SH3GL1: variants seen among roughly 807,000 people sequenced by gnomAD.
SH3GL1 encodes the protein SH3 domain containing GRB2 like 1, endophilin A2, also known as endophilin-A2.
In SH3GL1, 21 loss-of-function variants were observed where a neutral mutation model predicts 48.8. That is an observed-to-expected ratio of 0.43 (90% CI 0.30 to 0.62). The LOEUF is 0.62. Among genes scored for constraint, SH3GL1 ranks in the 20% least tolerant of loss-of-function variants. The pLI is 0.11. For synonymous variants in SH3GL1, 282 were observed against 217.5 expected, an observed-to-expected ratio of 1.30 and a Z score of -2.61; for missense variants, 454 against 503.0, an observed-to-expected ratio of 0.90 and a Z score of 0.93.
intron 1 of SH3GL1, among the ~76,000 whole-genome samples, chr19:4,385,886 G>C (rs773531061): frequency 2.6e-5 from 4 of 152,214 alleles, no homozygotes; most frequent in Non-Finnish European, 4.4e-5. Context: ...CTCAGCCAGG[G>C]GTCCGACAGC....
intron 1 of SH3GL1, among the ~76,000 whole-genome samples, chr19:4,386,701 C>G (rs747369441): frequency 6.6e-6 from 1 of 151,920 alleles, no homozygotes; most frequent in Non-Finnish European, 1.5e-5. Flanking sequence ...TTTCCCCAGG[C>G]ACTCAGGACC....
In SH3GL1 at chr19:4,363,438, A is replaced by G. The variant is rs61731634; in HGVS notation, c.660T>C (p.Asp220=). 8.4e-4 allele frequency: 1,357 copies of G among 1,612,876 alleles called. 6 individuals are homozygous for G. In the African/African-American group the frequency reaches 0.01, roughly 12 times the overall value. The part of the protein sequence containing the change: ...EQVSQLSALV[D]AQLDYHRQAV... ...CCTGCCGGTGGTAGTCCAGCTGTGCATCCACCAGGGCCGAGAGCTGACTCA... is the reference window on the plus strand; with the variant it reads ...CCTGCCGGTGGTAGTCCAGCTGTGCGTCCACCAGGGCCGAGAGCTGACTCA... The change falls in exon 7 of 10, where the codon GAT becomes GAC. Residue 220 remains aspartate (D), a synonymous_variant. Coordinates refer to ENST00000269886, the MANE Select transcript of SH3GL1 (RefSeq NM_003025.4).
intron 2 of SH3GL1, 33 bp downstream of exon 2, chr19:4,366,893 A>T (rs917636639): frequency 6.2e-7 from 1 of 1,603,748 alleles, no homozygotes; most frequent in Non-Finnish European, 8.5e-7. Context: ...CAGCAGTGCC[A>T]CCACCACACA....
chr19:4,377,290 C>G (rs982604466), intron 1 of SH3GL1, among the ~76,000 whole-genome samples: 1 of 152,224 alleles, frequency 6.6e-6, no homozygotes. Flanking sequence ...GGAGGCCAAA[C>G]AGAAACCGCC....
At position 4,363,490 on chromosome 19, in the gene SH3GL1, G is replaced by T. The variant is rs1376349292; in HGVS notation, c.625-17C>A. 3 of 1,600,070 alleles carry T rather than the reference G, an allele frequency of 1.9e-6. No homozygotes were observed. Among genetic ancestry groups the T allele is most frequent in the Non-Finnish European group, 2.6e-6 (3 of 1,170,470 alleles). The stretch of plus-strand genomic sequence containing the variant: ...CTGCTCGATCTGTGGGGACAGTAGG[G>T]CTCAGGGGCTCCTGCCAGTGCCACT... On this transcript the variant is annotated splice_polypyrimidine_tract_variant and intron_variant, in intron 6 of 9. Transcript: ENST00000269886.
chr19:4,370,460 G>A (rs543990367), intron 1 of SH3GL1, among the ~76,000 whole-genome samples: 33 of 152,314 alleles, frequency 2.2e-4, no homozygotes, highest in African/African-American at 6.7e-4. Context: ...GGGCTCAGGG[G>A]TGAGACCACC....
At chr19:4,378,171 G>C (rs1355712656) in intron 1 of SH3GL1, among the ~76,000 whole-genome samples, 1 of 152,222 alleles carries the variant, frequency 6.6e-6, no homozygotes, top group Non-Finnish European at 1.5e-5. Context: ...TAGTTGTTGA[G>C]ATAACAAATA....
chr19:4,382,027 A>G (rs1043900179), intron 1 of SH3GL1, among the ~76,000 whole-genome samples: 2 of 151,930 alleles, frequency 1.3e-5, no homozygotes, highest in African/African-American at 4.8e-5. Context: ...GACAGGGATC[A>G]CCCCGGGCTA....
At chr19:4,380,781 C>A (rs1200179706) in intron 1 of SH3GL1, among the ~76,000 whole-genome samples, 1 of 152,070 alleles carries the variant, frequency 6.6e-6, no homozygotes, top group East Asian at 1.9e-4. Flanking sequence ...AGTTAAGTAA[C>A]GGGGACTGAA....
At chr19:4,399,369 A>T (rs243415) in intron 1 of SH3GL1, among the ~76,000 whole-genome samples, 134,573 of 136,726 alleles carry the variant, frequency 0.98, 66,242 homozygotes, top group African/African-American at 0.99. Context: ...TATGGTCTAG[A>T]GCAGTAGTCC....
At position 4,361,381 on chromosome 19, in the gene SH3GL1, G is replaced by T; in HGVS notation, c.*219C>A. 1 of 563,138 alleles carries T rather than the reference G, an allele frequency of 1.8e-6. No homozygotes were observed. The highest frequency in any genetic ancestry group is 3.0e-5 in the East Asian group (1 of 33,338). The allele number at this position is 563,138 out of a possible 1,614,324, so 34.9% of individuals were successfully genotyped here. The stretch of plus-strand genomic sequence containing the variant: ...GTGGGGAAGGGAGCCGTCACCGTTG[G>T]GAGTCAGCGCTAGTGTAAACAGGCA... On this transcript the variant is annotated 3_prime_UTR_variant, in exon 10 of 10. Transcript: ENST00000269886.
rs567143232 is a variant in SH3GL1, at chr19:4,382,132, C to T, written c.46-15138G>A. 7.6e-4 allele frequency among the ~76,000 whole-genome samples: 115 copies of T among 152,202 alleles called. 3 individuals are homozygous for T. The South Asian group carries it at 0.023, about 31-fold the overall frequency. On this transcript the variant is annotated intron_variant, in intron 1 of 9. Coordinates refer to ENST00000269886, the MANE Select transcript of SH3GL1 (RefSeq NM_003025.4). ...GAGGCCACCCACATCCATTGGCTCA[C>T]GGCCCCCTCCTCCCTCCATTGTCAG...
At chr19:4,364,916 A>ATTTTT (rs35880496) in intron 4 of SH3GL1, among the ~76,000 whole-genome samples, 4 of 116,222 alleles carry the variant, frequency 3.4e-5, no homozygotes, top group East Asian at 2.4e-4. Context: ...ATATATATAT[A>ATTTTT]TTTTTTTTTT....
rs568401488 is a variant in SH3GL1, at chr19:4,361,415, C to G, written c.*185G>C. ...GCTAGTGTAAACAGGCATCCCCACCCACCCAGATAAGCCCCCCCACCCAAG... is the reference window on the plus strand; with the variant it reads ...GCTAGTGTAAACAGGCATCCCCACCGACCCAGATAAGCCCCCCCACCCAAG... On this transcript the variant is annotated 3_prime_UTR_variant, in exon 10 of 10. Coordinates refer to ENST00000269886, the MANE Select transcript of SH3GL1 (RefSeq NM_003025.4). 3.4e-6 allele frequency: 2 copies of G among 594,466 alleles called. No homozygotes were observed. Among genetic ancestry groups the G allele is most frequent in the South Asian group, 2.0e-5 (1 of 49,386 alleles). 36.8% of individuals were successfully genotyped at this position (594,466 alleles called of 1,614,324 possible). A position where few individuals can be genotyped will look rare whatever the true frequency, so the allele number is the denominator to read the frequency against.
chr19:4,374,021 ACT>A (rs1417261556), intron 1 of SH3GL1, among the ~76,000 whole-genome samples: 7 of 152,066 alleles, frequency 4.6e-5, no homozygotes, highest in Admixed American at 2.6e-4. Context: ...TGGAGAAAGG[ACT>A]CTCAGATTGG....
At position 4,361,563 on chromosome 19, in the gene SH3GL1, A is replaced by AAT. The variant is rs777793611; in HGVS notation, c.*36_*37insAT. On this transcript the variant is annotated 3_prime_UTR_variant, in exon 10 of 10. Coordinates refer to ENST00000269886, the MANE Select transcript of SH3GL1 (RefSeq NM_003025.4). ...GGAGACCCAGCAGGGGGTGCCGGCC[A>AAT]GTGTGGACGGAGGGGCGGGGCGGGG... 1 of 1,499,620 alleles carries AAT rather than the reference A, an allele frequency of 6.7e-7. No homozygotes were observed. The highest frequency in any genetic ancestry group is 1.2e-5 in the South Asian group (1 of 85,258). 92.9% of individuals were successfully genotyped at this position (1,499,620 alleles called of 1,614,324 possible). A position where few individuals can be genotyped will look rare whatever the true frequency, so the allele number is the denominator to read the frequency against.
At chr19:4,368,986 G>T (rs1174506939) in intron 1 of SH3GL1, among the ~76,000 whole-genome samples, 1 of 152,140 alleles carries the variant, frequency 6.6e-6, no homozygotes, top group Non-Finnish European at 1.5e-5. Context: ...GTAGGAGAAT[G>T]GTGTGAACCC....
rs573226337 is a variant in SH3GL1, at chr19:4,360,770, C to T, written c.*830G>A. ...AACCTTTGTGCTTGGCCCTCGGCAG[C>T]GCGGCTGTGGTCCCGTGTGAGGTGT... On this transcript the variant is annotated 3_prime_UTR_variant, in exon 10 of 10. Transcript: ENST00000269886. 1.0e-4 allele frequency: 24 copies of T among 233,444 alleles called. No homozygotes were observed. Among genetic ancestry groups the T allele is most frequent in the South Asian group, 9.0e-4 (5 of 5,570 alleles). The allele number at this position is 233,444 out of a possible 1,614,324, so 14.5% of individuals were successfully genotyped here.
intron 7 of SH3GL1, 79 bp from the exon 8 acceptor site, chr19:4,362,815 T>C (rs1972660777): frequency 6.2e-7 from 1 of 1,602,694 alleles, no homozygotes; most frequent in Admixed American, 1.7e-5. Flanking sequence ...TGCTGCTGCC[T>C]AATGACCTGG....
Sources: allele counts gnomAD v4.1 joint callset (sites outside exome capture counted in the v4.1 genomes callset), GRCh38; gene constraint gnomAD v4.1.1; transcripts MANE v1.5; gene names NCBI Gene and HGNC (gene_info 2026-07-23, HGNC 2026-07-21).